The following GIT2 variants were observed in gnomAD, a reference collection of about 807,000 sequenced individuals.
GIT2 encodes GIT ArfGAP 2, also known as ARF GTPase-activating protein GIT2.
Under a neutral mutation model 100.3 loss-of-function variants are expected in GIT2, and 32 were observed. The ratio of observed to expected loss-of-function variants is 0.32; its 90% CI spans 0.24 to 0.43. The LOEUF (loss-of-function observed/expected upper bound fraction) is 0.43. GIT2 is among the 20% of genes least tolerant of loss of function. The pLI, the probability that GIT2 is intolerant of heterozygous loss-of-function variation, is 1.00. For synonymous variants in GIT2, 353 were observed against 364.1 expected, an observed-to-expected ratio of 0.97 and a Z score of 0.35; for missense variants, 737 against 975.1, an observed-to-expected ratio of 0.76 and a Z score of 3.25.
rs147414990 is a variant in GIT2 at position 109,961,311 on chromosome 12, C to T, written c.954G>A (p.Pro318=). ...GTGTTGATGAGTACTCAGGATTGAC[C>T]GGAAGAAAGGGGACGACCGTTGTCT... The part of the protein sequence containing the change: ...VTETTVVPFL[P]VNPEYSSTRN... The change falls in exon 11 of 20, where the codon CCG becomes CCA. Residue 318 remains proline, a synonymous_variant. Transcript: ENST00000355312. 1.3e-4 allele frequency: 215 copies of T among 1,612,908 alleles called. No individual in the cohort carries two copies. Among genetic ancestry groups the T allele is most frequent in the Non-Finnish European group, 1.6e-4 (192 of 1,179,046 alleles).
At chr12:109,981,530 T>C (rs901361463) in intron 6 of GIT2, 4 of 158,080 alleles carry the variant, frequency 2.5e-5, no homozygotes, top group Non-Finnish European at 5.6e-5. Context: ...AGTCTGACTC[T>C]GGATAAGAGT....
intron 12 of GIT2, among the ~76,000 whole-genome samples, chr12:109,958,972 A>G (rs1880317009): frequency 6.6e-6 from 1 of 152,236 alleles, no homozygotes. Flanking sequence ...AGACATTTAA[A>G]GTTTATGGCA....
rs548203877 is a variant in GIT2, at chr12:109,955,245, T to C, written c.1100-2011A>G. Among the ~76,000 whole-genome samples, 42 of 152,208 alleles carry C rather than the reference T, an allele frequency of 2.8e-4. No individual in the cohort carries two copies. The East Asian group carries it at 7.0e-3, about 25-fold the overall frequency. ...TTCACGCCATTCTCCTGCCTCAGCC[T>C]CCTGAGTAGCTAAGACTACAAGCGC... On this transcript the variant is annotated intron_variant, in intron 12 of 19. Coordinates refer to ENST00000355312, the MANE Select transcript of GIT2 (RefSeq NM_057169.5).
At position 109,962,910 on chromosome 12, in the gene GIT2, G is replaced by A. The variant is rs965461273; in HGVS notation, c.817-1225C>T. Among the ~76,000 whole-genome samples, 1 of 152,144 alleles carries A rather than the reference G, an allele frequency of 6.6e-6. No individual in the cohort carries two copies. Among genetic ancestry groups the A allele is most frequent in the Non-Finnish European group, 1.5e-5 (1 of 68,032 alleles). ...CCAACACTTTGGGAGGCAGAGGCAG[G>A]AAGATCACTCACTTGAGCCTGGGAG... On this transcript the variant is annotated intron_variant, in intron 9 of 19. Transcript: ENST00000355312. This position sits in a 1 kb window ranked among gnomAD's most constrained non-coding sequence, Gnocchi z 4.3.
chr12:109,947,830 C>T lies in GIT2; in HGVS notation c.1393-326G>A, dbSNP rs1876759301. The T allele has an allele frequency of 3.5e-6, 1 of 286,214 alleles. No individual in the cohort carries two copies. Among genetic ancestry groups the T allele is most frequent in the African/African-American group, 2.2e-5 (1 of 44,984 alleles). The allele number at this position is 286,214 out of a possible 1,614,324, so 17.7% of individuals were successfully genotyped here. On this transcript the variant is annotated intron_variant, in intron 14 of 19. Coordinates refer to ENST00000355312, the MANE Select transcript of GIT2 (RefSeq NM_057169.5). This position sits in a 1 kb window ranked among gnomAD's most constrained non-coding sequence, Gnocchi z 4.3. The stretch of plus-strand genomic sequence containing the variant: ...GAAATGTTTGCAGGCAAGCTGTACA[C>T]TGGATTATTACTAAGGCTGTTTCAA...
upstream of GIT2, among the ~76,000 whole-genome samples, chr12:110,000,033 A>T (rs1344526410): frequency 6.6e-6 from 1 of 152,112 alleles, no homozygotes; most frequent in Non-Finnish European, 1.5e-5. Flanking sequence ...TTTCCACTGG[A>T]CAGAGAAGGA....
intron 15 of GIT2, 99 bp from the exon 16 acceptor site, chr12:109,945,448 T>G (rs1468628660): frequency 7.1e-6 from 5 of 702,262 alleles, no homozygotes; most frequent in African/African-American, 1.8e-5. Flanking sequence ...ACACCACACA[T>G]TATGTGACGT....
intron 2 of GIT2, among the ~76,000 whole-genome samples, chr12:109,990,346 A>G (rs1888140389): frequency 1.3e-5 from 2 of 152,234 alleles, no homozygotes; most frequent in African/African-American, 2.4e-5. Context: ...TAAACAACTC[A>G]TCTCTGGACT....
upstream of GIT2, among the ~76,000 whole-genome samples, chr12:109,996,614 T>C (rs1300815625): frequency 2.0e-5 from 3 of 152,220 alleles, no homozygotes; most frequent in Non-Finnish European, 4.4e-5. Flanking sequence ...CCTGAGGCAA[T>C]CAATGGTCAA....
chr12:109,977,376 T>C (rs1166109228), intron 7 of GIT2, among the ~76,000 whole-genome samples: 4 of 151,860 alleles, frequency 2.6e-5, no homozygotes, highest in African/African-American at 9.7e-5. Context: ...CTGGGCACAG[T>C]GGCACACACC....
At position 109,953,211 on chromosome 12, in the gene GIT2, T is replaced by C. The variant is rs1272644460; in HGVS notation, c.1123A>G (p.Thr375Ala). The change falls in exon 13 of 20, where the codon ACC becomes GCC. Residue 375 changes from threonine (T) to alanine (A), a missense_variant. Coordinates refer to ENST00000355312, the MANE Select transcript of GIT2 (RefSeq NM_057169.5). ...SKDNVELILK[T>A]INNQHSVESQ... ...TCAACGCTGTGCTGGTTATTGATGG[T>C]TTTCAGTATGAGCTCCACATTGTCT... 1.9e-6 allele frequency: 3 copies of C among 1,614,012 alleles called. No individual in the cohort carries two copies. In the East Asian group the frequency reaches 6.7e-5, roughly 36 times the overall value.
rs1873662853 is a variant in GIT2 at position 109,938,470 on chromosome 12, G to C, written c.1913C>G (p.Pro638Arg). The C allele has an allele frequency of 6.2e-7, 1 of 1,613,804 alleles. No homozygotes were observed. The highest frequency in any genetic ancestry group is 2.2e-5 in the East Asian group (1 of 44,880). Residue 638 changes from proline (P) to arginine (R), a missense_variant, in exon 18 of 20, where the codon CCT becomes CGT. By Grantham distance (103) the Pro-to-Arg change is moderately radical. This residue lies in a region of GIT2 where 451 missense variants were observed against 543.7 expected (regional missense o/e 0.83). Transcript: ENST00000355312. ...CTTCCTGATGACATCTTCGGTGCTAGGGAGAGTGGGGCTTGGGGCCACATG... is the reference window on the plus strand; with the variant it reads ...CTTCCTGATGACATCTTCGGTGCTACGGAGAGTGGGGCTTGGGGCCACATG... ...EPHVAPSPTL[P>R]STEDVIRKTE...
At chr12:109,949,066 C>T in intron 14 of GIT2, 1 of 563,408 alleles carries the variant, frequency 1.8e-6, no homozygotes, top group African/African-American at 1.9e-5. Context: ...CAAGCCATTA[C>T]AGAATGATAG....
In GIT2 at chr12:109,934,101, A is replaced by T; in HGVS notation, c.2004-16T>A. ...GGGAATATAACTGCAAGAATATTGAAGAAGTTATTCAATGACAGTAAAAAT... is the reference window on the plus strand; with the variant it reads ...GGGAATATAACTGCAAGAATATTGATGAAGTTATTCAATGACAGTAAAAAT... On this transcript the variant is annotated splice_polypyrimidine_tract_variant and intron_variant, in intron 18 of 19. Transcript: ENST00000355312. This position sits in a 1 kb window ranked among gnomAD's most constrained non-coding sequence, Gnocchi z 4.5. The T allele has an allele frequency of 7.1e-7, 1 of 1,409,364 alleles. No individual in the cohort carries two copies. The highest frequency in any genetic ancestry group is 1.0e-6 in the Non-Finnish European group (1 of 993,738). The allele number at this position is 1,409,364 out of a possible 1,614,324, so 87.3% of individuals were successfully genotyped here.
chr12:109,989,904 C>A, intron 2 of GIT2, 102 bp from the exon 3 acceptor site: 3 of 708,702 alleles, frequency 4.2e-6, no homozygotes, highest in East Asian at 2.5e-5. Context: ...TATAAACACT[C>A]ATTTGTTAGG....
rs912825398 is a variant in GIT2, at chr12:109,945,206, G to A, written c.1731+54C>T. 31 of 862,938 alleles carry A rather than the reference G, an allele frequency of 3.6e-5. No individual in the cohort carries two copies. In the African/African-American group the frequency reaches 3.7e-4, roughly 10 times the overall value. The allele number at this position is 862,938 out of a possible 1,614,324, so 53.5% of individuals were successfully genotyped here. On this transcript the variant is annotated intron_variant, in intron 16 of 19. Coordinates refer to ENST00000355312, the MANE Select transcript of GIT2 (RefSeq NM_057169.5). ...GAGGGCCAGAGCCCAAGCACAAAGC[G>A]CCCAGGAGCACGGCCCCTCCTCCAG...
chr12:109,975,086 C>T (rs1884745740), intron 7 of GIT2, among the ~76,000 whole-genome samples: 1 of 152,128 alleles, frequency 6.6e-6, no homozygotes, highest in South Asian at 2.1e-4. Context: ...GCCACCCTAG[C>T]TTTCTTTTCC....
intron 2 of GIT2, among the ~76,000 whole-genome samples, chr12:109,991,047 C>T (rs557631558): frequency 3.0e-4 from 45 of 152,320 alleles, no homozygotes; most frequent in Non-Finnish European, 4.9e-4. Context: ...CGGTGGCTCA[C>T]GCCTGCAATC....
chr12:109,932,934 C>CT lies in GIT2; in HGVS notation c.*43dup. Reference sequence around the variant, plus strand: ...TTCTGCGTCTGAATTTGAAATTGGACTTTATAAAGCCTAGAAAACAGAGGA... The same window carrying CT: ...TTCTGCGTCTGAATTTGAAATTGGACTTTTATAAAGCCTAGAAAACAGAGGA... On this transcript the variant is annotated 3_prime_UTR_variant, in exon 20 of 20. Transcript: ENST00000355312. 1 of 1,111,784 alleles carries CT rather than the reference C, an allele frequency of 9.0e-7. No individual in the cohort carries two copies. The highest frequency in any genetic ancestry group is 1.5e-5 in the African/African-American group (1 of 65,494). The allele number at this position is 1,111,784 out of a possible 1,614,324, so 68.9% of individuals were successfully genotyped here.
Sources: allele counts gnomAD v4.1 joint callset (sites outside exome capture counted in the v4.1 genomes callset), GRCh38; gene constraint gnomAD v4.1.1; regional missense constraint gnomAD v4.1.1; non-coding constraint Gnocchi (gnomAD v3.1); transcripts MANE v1.5; gene names NCBI Gene and HGNC (gene_info 2026-07-23, HGNC 2026-07-21).